BAZ2B: variants seen among roughly 807,000 people sequenced by gnomAD.
BAZ2B encodes bromodomain adjacent to zinc finger domain 2B.
A neutral mutation model predicts 246.0 loss-of-function variants in BAZ2B; 91 were observed. That is an observed-to-expected ratio of 0.37 (90% confidence interval 0.31 to 0.44). The LOEUF is 0.44. Among genes scored for constraint, BAZ2B ranks in the 20% least tolerant of loss-of-function variants. The pLI, the probability that BAZ2B is intolerant of heterozygous loss-of-function variation, is 1.00. For missense variants in BAZ2B, 2,332 were observed against 2,533.7 expected (o/e 0.92, Z 1.71); for synonymous variants, 855 against 860.0 (o/e 0.99, Z 0.10).
chr2:159,492,614 A>C (rs951437103), intron 2 of BAZ2B, among the ~76,000 whole-genome samples: 1 of 152,208 alleles, frequency 6.6e-6, no homozygotes, highest in Non-Finnish European at 1.5e-5. Flanking sequence ...TTCATTATTT[A>C]TGTGCCTTAA....
At chr2:159,525,339 T>G (rs549434718) in intron 2 of BAZ2B, among the ~76,000 whole-genome samples, 2 of 152,308 alleles carry the variant, frequency 1.3e-5, no homozygotes, top group Admixed American at 1.3e-4. Context: ...TTGTTCCTTT[T>G]ATAGCAGTAG....
rs190644044 is a variant in BAZ2B at position 159,370,205 on chromosome 2, G to C, written c.4213+2840C>G. ...GGAGAGGGGAGGGATAGCATTAGGA[G>C]ATATACCTAATGTAAATGATGAGTT... On this transcript the variant is annotated intron_variant, in intron 27 of 36. Coordinates refer to ENST00000392783, the MANE Select transcript of BAZ2B (RefSeq NM_013450.4). 2.0e-4 allele frequency among the ~76,000 whole-genome samples: 31 copies of C among 152,126 alleles called. No homozygotes were observed. The East Asian group carries it at 5.6e-3, about 28-fold the overall frequency.
intron 13 of BAZ2B, among the ~76,000 whole-genome samples, chr2:159,422,575 C>T (rs1368126912): frequency 6.6e-6 from 1 of 152,058 alleles, no homozygotes; most frequent in Non-Finnish European, 1.5e-5. Context: ...CTTCCTTTCA[C>T]CATATACAAA....
At chr2:159,396,779 G>A (rs1021180862) in intron 19 of BAZ2B, among the ~76,000 whole-genome samples, 10 of 151,994 alleles carry the variant, frequency 6.6e-5, no homozygotes, top group African/African-American at 2.4e-4. Context: ...GAGAATACGG[G>A]TCATAATTAT....
chr2:159,689,013 G>T, the BAZ2B span, among the ~76,000 whole-genome samples: 10 of 152,086 alleles, frequency 6.6e-5, no homozygotes, highest in African/African-American at 2.4e-4. Context: ...TTAGTATCTT[G>T]TGGGGAGATA....
chr2:159,545,768 A>G (rs1190951592), intron 2 of BAZ2B, among the ~76,000 whole-genome samples: 1 of 152,230 alleles, frequency 6.6e-6, no homozygotes, highest in African/African-American at 2.4e-5. Flanking sequence ...ACACATAATC[A>G]TCACGTAAGG....
chr2:159,405,588 G>T (rs1228481165), intron 14 of BAZ2B, among the ~76,000 whole-genome samples: 1 of 152,170 alleles, frequency 6.6e-6, no homozygotes, highest in Non-Finnish European at 1.5e-5. Flanking sequence ...ACAACGTCAT[G>T]TTCATTCCAA....
intron 2 of BAZ2B, among the ~76,000 whole-genome samples, chr2:159,495,484 CAAAAAAAAAA>C (rs56365046): frequency 6.5e-3 from 475 of 73,190 alleles, no homozygotes; most frequent in South Asian, 0.035. Flanking sequence ...GACTCCGTCT[CAAAAAAAAAA>C]AAAAAAAAAA....
At chr2:159,387,657 A>G (rs2062800896) in intron 21 of BAZ2B, among the ~76,000 whole-genome samples, 1 of 152,154 alleles carries the variant, frequency 6.6e-6, no homozygotes, top group South Asian at 2.1e-4. Flanking sequence ...ACCACAGGAA[A>G]CATATACATT....
At chr2:159,531,357 TATGAG>T (rs1336341542) in intron 2 of BAZ2B, among the ~76,000 whole-genome samples, 3 of 152,212 alleles carry the variant, frequency 2.0e-5, no homozygotes, top group Non-Finnish European at 4.4e-5. Flanking sequence ...GAAAAACTTC[TATGAG>T]ATGTTTTTAC....
chr2:159,629,730 G>C, the BAZ2B span, among the ~76,000 whole-genome samples: 1 of 152,050 alleles, frequency 6.6e-6, no homozygotes, highest in Non-Finnish European at 1.5e-5. Flanking sequence ...TGTAGATGAT[G>C]GGTTAATGGA....
chr2:159,592,118 C>G (rs1689534791), intron 1 of BAZ2B, among the ~76,000 whole-genome samples: 1 of 148,524 alleles, frequency 6.7e-6, no homozygotes, highest in Non-Finnish European at 1.5e-5. Flanking sequence ...AGACCTGTCT[C>G]AAACAAACAA....
chr2:159,379,770 G>A (rs1158511651), intron 25 of BAZ2B, among the ~76,000 whole-genome samples: 1 of 151,984 alleles, frequency 6.6e-6, no homozygotes, highest in Admixed American at 6.6e-5. Flanking sequence ...ATCTCTCTAA[G>A]CTTTCTTTAT....
intron 4 of BAZ2B, among the ~76,000 whole-genome samples, chr2:159,451,495 TAAAC>T (rs2150435836): frequency 6.6e-6 from 1 of 152,292 alleles, no homozygotes; most frequent in South Asian, 2.1e-4. Context: ...ATCTGCAAAT[TAAAC>T]AAAATGAATC....
In BAZ2B at chr2:159,404,883, T is replaced by C; in HGVS notation, c.2798A>G (p.Lys933Arg). 6.2e-7 allele frequency: 1 copy of C among 1,613,520 alleles called. No homozygotes were observed. The highest frequency in any genetic ancestry group is 1.1e-5 in the South Asian group (1 of 91,074). The change falls in exon 16 of 37, where the codon AAG becomes AGG. Residue 933 changes from lysine to arginine, a missense_variant. By Grantham distance (26) the Lys-to-Arg change is conservative. This residue lies in a region of BAZ2B where 651 missense variants were observed against 650.9 expected (regional missense o/e 1.00). Transcript: ENST00000392783. Reference protein sequence around the residue: ...QAIMAAEEKRKQKEQIKIMKQ... With the variant: ...QAIMAAEEKRRQKEQIKIMKQ... Reference sequence around the variant, plus strand: ...CATAATCTTTATCTGTTCTTTTTGCTTCCGCTTCTCCTCAGCAGCCATTAT... The same window carrying C: ...CATAATCTTTATCTGTTCTTTTTGCCTCCGCTTCTCCTCAGCAGCCATTAT...
intron 1 of BAZ2B, among the ~76,000 whole-genome samples, chr2:159,564,628 C>T (rs1345072603): frequency 2.0e-5 from 3 of 151,956 alleles, no homozygotes; most frequent in Non-Finnish European, 4.4e-5. Flanking sequence ...AAGGATGATT[C>T]CAAGGTTTTG....
chr2:159,667,593 C>T, the BAZ2B span, among the ~76,000 whole-genome samples: 1 of 134,392 alleles, frequency 7.4e-6, no homozygotes, highest in African/African-American at 2.9e-5. Context: ...GTGACTCTGT[C>T]TCAAAAATAA....
downstream of BAZ2B, among the ~76,000 whole-genome samples, chr2:159,317,164 A>T (rs374279810): frequency 1.3e-5 from 2 of 152,238 alleles, no homozygotes; most frequent in African/African-American, 2.4e-5. Flanking sequence ...TTAAAAGTAC[A>T]ATTAGGAATA....
At chr2:159,698,528 AC>A in the BAZ2B span, among the ~76,000 whole-genome samples, 445 of 144,530 alleles carry the variant, frequency 3.1e-3, 6 homozygotes, top group African/African-American at 0.01. Flanking sequence ...AAAAAAAAAA[AC>A]AAAAAAAACA....
Sources: gnomAD v4.1 joint callset for allele counts (sites outside exome capture counted in the v4.1 genomes callset) on GRCh38, gnomAD v4.1.1 for gene constraint, gnomAD v4.1.1 regional missense constraint, MANE v1.5 for transcripts, NCBI Gene and HGNC (gene_info 2026-07-23, HGNC 2026-07-21) for gene names.